Variants in MAP3K4 observed in about 807,000 individuals in gnomAD.
MAP3K4 encodes mitogen-activated protein kinase kinase kinase 4, also known as MAP three kinase 1.
In MAP3K4, 67 loss-of-function variants were observed where a neutral mutation model predicts 185.6. The observed-to-expected ratio is 0.36, with a 90% CI of 0.30 to 0.44. The LOEUF (loss-of-function observed/expected upper bound fraction) is 0.44. Among genes scored for constraint, MAP3K4 ranks in the 20% least tolerant of loss-of-function variants. MAP3K4 has a pLI of 1.00. For synonymous variants in MAP3K4, 702 were observed against 710.4 expected, an observed-to-expected ratio of 0.99 and a Z score of 0.19; for missense variants, 1,551 against 1,995.1, an observed-to-expected ratio of 0.78 and a Z score of 4.24.
At chr6:161,019,076 T>C (rs915623427) in intron 1 of MAP3K4, among the ~76,000 whole-genome samples, 1 of 152,182 alleles carries the variant, frequency 6.6e-6, no homozygotes, top group Non-Finnish European at 1.5e-5. Flanking sequence ...TTAGCGTGTG[T>C]ATTGAGTTTT....
chr6:161,098,300 G>A lies in MAP3K4; in HGVS notation c.3547G>A (p.Ala1183Thr), dbSNP rs367611856. 7.1e-5 allele frequency: 115 copies of A among 1,610,150 alleles called. No individual in the cohort carries two copies. Among genetic ancestry groups the A allele is most frequent in the African/African-American group, 1.4e-4 (10 of 73,504 alleles). The change falls in exon 17 of 27, where the codon GCG (alanine) becomes ACG (threonine). Residue 1183 changes from alanine (A) to threonine (T), a missense_variant. Ala to Thr is a moderately conservative substitution (Grantham distance 58, BLOSUM62 0). Transcript: ENST00000392142. This position sits in a 1 kb window ranked among gnomAD's most constrained non-coding sequence, Gnocchi z 4.4. ...GFSTRSMPSD[A>T]RSHGSPAAAA... ...TAGCACTCGGAGCATGCCTTCCGAC[G>A]CGCGGAGCCATGGCAGCCCTGCTGC... is the stretch of plus-strand genomic sequence containing the variant.
intron 1 of MAP3K4, among the ~76,000 whole-genome samples, chr6:160,997,528 G>A (rs1781056499): frequency 6.6e-6 from 1 of 152,204 alleles, no homozygotes; most frequent in African/African-American, 2.4e-5. Flanking sequence ...GGTGGTACCT[G>A]AGTAGCTCTT....
rs764609417 is a variant in MAP3K4 at position 161,093,903 on chromosome 6, C to T, written c.3427+52C>T. On this transcript the variant is annotated intron_variant, in intron 15 of 26. Coordinates refer to ENST00000392142, the MANE Select transcript of MAP3K4 (RefSeq NM_005922.4). The surrounding 1 kb of genome is among the most constrained non-coding windows in gnomAD (Gnocchi z 5.2). Reference sequence around the variant, plus strand: ...TCTGGAACATAATGATTTGAGTGGACAGATCCTCTTGTAATTGCAGTCGTT... The same window carrying T: ...TCTGGAACATAATGATTTGAGTGGATAGATCCTCTTGTAATTGCAGTCGTT... The T allele has an allele frequency of 1.1e-5, 14 of 1,321,690 alleles. No individual in the cohort carries two copies. The Admixed American group carries it at 1.8e-4, about 17-fold the overall frequency. The allele number at this position is 1,321,690 out of a possible 1,614,324, so 81.9% of individuals were successfully genotyped here.
Position 161,074,352 on chromosome 6 carries a change from T to C in MAP3K4, c.2097+740T>C, listed in dbSNP as rs73784741. Reference sequence around the variant, plus strand: ...CTGAATGTGCCCTGTGCTTTTAACCTCTGTTCACATTCTTCTTTCCTGTTA... The same window carrying C: ...CTGAATGTGCCCTGTGCTTTTAACCCCTGTTCACATTCTTCTTTCCTGTTA... On this transcript the variant is annotated intron_variant, in intron 5 of 26. Coordinates refer to ENST00000392142, the MANE Select transcript of MAP3K4 (RefSeq NM_005922.4). This position sits in a 1 kb window ranked among gnomAD's most constrained non-coding sequence, Gnocchi z 5.0. 7.5e-3 allele frequency among the ~76,000 whole-genome samples: 1,137 copies of C among 152,348 alleles called. 13 individuals carry two copies. Among genetic ancestry groups the C allele is most frequent in the Middle Eastern group, 0.065 (19 of 294 alleles).
intron 1 of MAP3K4, among the ~76,000 whole-genome samples, chr6:161,020,849 T>C (rs1318374036): frequency 1.3e-5 from 2 of 152,202 alleles, no homozygotes; most frequent in Non-Finnish European, 2.9e-5. Flanking sequence ...GTTAGACATT[T>C]CTTTTCTAAA....
chr6:160,994,061 T>C (rs1780877519), intron 1 of MAP3K4, among the ~76,000 whole-genome samples: 1 of 152,178 alleles, frequency 6.6e-6, no homozygotes, highest in African/African-American at 2.4e-5. Flanking sequence ...ATTTGAACTT[T>C]TTTTTTTAAC....
rs1330858185 is a variant in MAP3K4 at position 161,051,226 on chromosome 6, T to C, written c.1707+1247T>C. Among the ~76,000 whole-genome samples, 2 of 152,196 alleles carry C rather than the reference T, an allele frequency of 1.3e-5. No homozygotes were observed. The highest frequency in any genetic ancestry group is 1.3e-4 in the Admixed American group (2 of 15,278). On this transcript the variant is annotated intron_variant, in intron 3 of 26. Transcript: ENST00000392142. The surrounding 1 kb of genome is among the most constrained non-coding windows in gnomAD (Gnocchi z 4.2). ...ATGGAGAGCCAACTGTATATACTTG[T>C]TATTTTTATTTTTTTAACTTCATTT... is the stretch of plus-strand genomic sequence containing the variant.
intron 1 of MAP3K4, among the ~76,000 whole-genome samples, chr6:161,000,295 A>G (rs566755057): frequency 2.0e-5 from 3 of 152,218 alleles, no homozygotes; most frequent in Non-Finnish European, 2.9e-5. Flanking sequence ...AGCTCTACCC[A>G]AAATAAAATG....
Position 161,080,807 on chromosome 6 carries a change from G to A in MAP3K4, c.2098-74G>A. ...CGCCCCCACTTTACCCTGCTGATGT[G>A]TAGCTTTCAGGTGAGAGCGCTGAGT... On this transcript the variant is annotated intron_variant, in intron 5 of 26. Transcript: ENST00000392142. The surrounding 1 kb of genome is among the most constrained non-coding windows in gnomAD (Gnocchi z 4.8). 2 of 1,389,320 alleles carry A rather than the reference G, an allele frequency of 1.4e-6. No individual in the cohort carries two copies. The highest frequency in any genetic ancestry group is 1.0e-6 in the Non-Finnish European group (1 of 996,710). The allele number at this position is 1,389,320 out of a possible 1,614,324, so 86.1% of individuals were successfully genotyped here. A position where few individuals can be genotyped will look rare whatever the true frequency, so the allele number is the denominator to read the frequency against.
In MAP3K4 at chr6:161,100,558, A is replaced by G. The variant is rs187448978; in HGVS notation, c.3675-1334A>G. ...ATGGCGAATGTTTGAGAAATTTTGC[A>G]AGTTGTTATACCACAGAAATTGGCA... On this transcript the variant is annotated intron_variant, in intron 17 of 26. Coordinates refer to ENST00000392142, the MANE Select transcript of MAP3K4 (RefSeq NM_005922.4). The surrounding 1 kb of genome is among the most constrained non-coding windows in gnomAD (Gnocchi z 5.8). Among the ~76,000 whole-genome samples, 579 of 152,228 alleles carry G rather than the reference A, an allele frequency of 3.8e-3. 2 individuals carry two copies. Among genetic ancestry groups the G allele is most frequent in the Non-Finnish European group, 6.9e-3 (469 of 68,024 alleles).
At chr6:161,083,580 C>T (rs1785558452) in intron 6 of MAP3K4, among the ~76,000 whole-genome samples, 1 of 152,212 alleles carries the variant, frequency 6.6e-6, no homozygotes, top group Admixed American at 6.5e-5. Context: ...CCCTTTGTAG[C>T]CTAAATACCC....
At position 160,991,900 on chromosome 6, in the gene MAP3K4, C is replaced by G; in HGVS notation, c.-32C>G. 1.3e-6 allele frequency: 2 copies of G among 1,490,540 alleles called. No homozygotes were observed. Among genetic ancestry groups the G allele is most frequent in the Non-Finnish European group, 1.8e-6 (2 of 1,128,892 alleles). 92.3% of individuals were successfully genotyped at this position (1,490,540 alleles called of 1,614,324 possible). A position where few individuals can be genotyped will look rare whatever the true frequency, so the allele number is the denominator to read the frequency against. On this transcript the variant is annotated 5_prime_UTR_variant, in exon 1 of 27. Coordinates refer to ENST00000392142, the MANE Select transcript of MAP3K4 (RefSeq NM_005922.4). The surrounding 1 kb of genome is among the most constrained non-coding windows in gnomAD (Gnocchi z 5.7). ...CCCCGCGCCAGGCTGCAGCTTACTGCCCGCCGCGGCCATGCGGGGCTCCGT... is the reference window on the plus strand; with the variant it reads ...CCCCGCGCCAGGCTGCAGCTTACTGGCCGCCGCGGCCATGCGGGGCTCCGT...
At chr6:161,033,106 T>C (rs993338614) in intron 1 of MAP3K4, among the ~76,000 whole-genome samples, 4 of 152,204 alleles carry the variant, frequency 2.6e-5, no homozygotes, top group African/African-American at 9.6e-5. Context: ...AGAGTAGCTT[T>C]TCTGTTTCCC....
chr6:161,079,100 G>C (rs1785316850), intron 5 of MAP3K4, among the ~76,000 whole-genome samples: 1 of 151,042 alleles, frequency 6.6e-6, no homozygotes, highest in Non-Finnish European at 1.5e-5. Flanking sequence ...TGTAGTCCCA[G>C]CTACTTAGGA....
chr6:161,064,585 T>C lies in MAP3K4; in HGVS notation c.1708-6023T>C, dbSNP rs1437200534. 6.6e-6 allele frequency among the ~76,000 whole-genome samples: 1 copy of C among 152,202 alleles called. No individual in the cohort carries two copies. The highest frequency in any genetic ancestry group is 1.5e-5 in the Non-Finnish European group (1 of 68,040). The stretch of plus-strand genomic sequence containing the variant: ...TAAGGTTTGGTATCTTGTAGGACAG[T>C]GTTGCCCATTGTTTCTTTTCAGAAG... On this transcript the variant is annotated intron_variant, in intron 3 of 26. Transcript: ENST00000392142. The surrounding 1 kb of genome is among the most constrained non-coding windows in gnomAD (Gnocchi z 4.3).
rs1389714170 is a variant in MAP3K4 at position 161,043,027 on chromosome 6, C to T, written c.344-5589C>T. On this transcript the variant is annotated intron_variant, in intron 2 of 26. Transcript: ENST00000392142. This position sits in a 1 kb window ranked among gnomAD's most constrained non-coding sequence, Gnocchi z 4.3. The stretch of plus-strand genomic sequence containing the variant: ...ATGTGTGTGTAAATGTGTGTATCTG[C>T]TAACAGTAGTGAAATTAGAATGTTT... Among the ~76,000 whole-genome samples, 1 of 152,062 alleles carries T rather than the reference C, an allele frequency of 6.6e-6. No homozygotes were observed. Among genetic ancestry groups the T allele is most frequent in the Non-Finnish European group, 1.5e-5 (1 of 68,018 alleles).
chr6:161,072,778 G>A (rs1785007060), intron 4 of MAP3K4, among the ~76,000 whole-genome samples: 1 of 152,128 alleles, frequency 6.6e-6, no homozygotes, highest in African/African-American at 2.4e-5. Context: ...CGTACATTGT[G>A]TCTCAGTCTT....
At chr6:161,085,845 G>C (rs1785683992) in intron 7 of MAP3K4, among the ~76,000 whole-genome samples, 1 of 152,170 alleles carries the variant, frequency 6.6e-6, no homozygotes, top group Non-Finnish European at 1.5e-5. Context: ...TGGTGTGCTG[G>C]AGCTGCTTCT....
Position 161,091,386 on chromosome 6 carries a change from C to T in MAP3K4, c.2981C>T (p.Ala994Val), listed in dbSNP as rs1583220607. 1.2e-6 allele frequency: 2 copies of T among 1,612,976 alleles called. No homozygotes were observed. The highest frequency in any genetic ancestry group is 1.3e-5 in the African/African-American group (1 of 74,934). Residue 994 changes from alanine (A) to valine (V), a missense_variant, in exon 12 of 27, where the codon GCA becomes GTA. This residue lies in a region of MAP3K4 where 261 missense variants were observed against 306.5 expected (regional missense o/e 0.85). Coordinates refer to ENST00000392142, the MANE Select transcript of MAP3K4 (RefSeq NM_005922.4). The surrounding 1 kb of genome is among the most constrained non-coding windows in gnomAD (Gnocchi z 5.5). ...AKALQQLKNDALELCNRISNA... is the reference protein window; with the variant it reads ...AKALQQLKNDVLELCNRISNA... ...ATGGTTTGGACTCTTCAGAATGATG[C>T]ATTGGAGCTATGCAACAGGATAAGC...
Sources: allele counts gnomAD v4.1 joint callset (sites outside exome capture counted in the v4.1 genomes callset), GRCh38; gene constraint gnomAD v4.1.1; regional missense constraint gnomAD v4.1.1; non-coding constraint Gnocchi (gnomAD v3.1); transcripts MANE v1.5; gene names NCBI Gene and HGNC (gene_info 2026-07-23, HGNC 2026-07-21).